The following NAV2 variants were observed in gnomAD, a reference collection of about 807,000 sequenced individuals.
NAV2 encodes helicase, APC down-regulated 1.
In NAV2, 54 loss-of-function variants were observed where a neutral mutation model predicts 223.2. The observed-to-expected ratio is 0.24, with a 90% CI of 0.19 to 0.30. NAV2 has a LOEUF of 0.30. Among genes scored for constraint, NAV2 ranks in the 10% least tolerant of loss-of-function variants. NAV2 has a pLI of 1.00. For synonymous variants in NAV2, 1,279 were observed against 1,239.3 expected (o/e 1.03, Z -0.67); for missense variants, 2,806 against 3,147.5 (o/e 0.89, Z 2.60).
intron 22 of NAV2, among the ~76,000 whole-genome samples, chr11:20,075,310 G>A (rs771693740): frequency 7.3e-5 from 11 of 151,376 alleles, no homozygotes; most frequent in South Asian, 2.1e-4. Flanking sequence ...TGCAAGCTCC[G>A]CCTCCCGGGT....
chr11:19,830,960 T>A (rs181727071), intron 1 of NAV2, among the ~76,000 whole-genome samples: 201 of 152,126 alleles, frequency 1.3e-3, no homozygotes, highest in Middle Eastern at 6.8e-3. Context: ...ATTTAAGGAT[T>A]GGATCCTTGG....
intron 1 of NAV2, among the ~76,000 whole-genome samples, chr11:19,639,405 A>G (rs1356820854): frequency 6.6e-6 from 1 of 152,220 alleles, no homozygotes; most frequent in Non-Finnish European, 1.5e-5. Flanking sequence ...CTCCACCACC[A>G]TCACCATAAC....
chr11:19,721,483 A>G (rs1196896165), intron 1 of NAV2, among the ~76,000 whole-genome samples: 1 of 152,232 alleles, frequency 6.6e-6, no homozygotes, highest in African/African-American at 2.4e-5. Flanking sequence ...ACTTGTTGGC[A>G]TGAGGAAGCA....
At chr11:19,909,904 A>G (rs1037629266) in intron 6 of NAV2, among the ~76,000 whole-genome samples, 6 of 152,156 alleles carry the variant, frequency 3.9e-5, no homozygotes, top group African/African-American at 1.4e-4. Flanking sequence ...TAAGGCATAT[A>G]TAATAACTTA....
At chr11:19,360,256 C>A (rs1370410123) in intron 1 of NAV2, among the ~76,000 whole-genome samples, 1 of 152,146 alleles carries the variant, frequency 6.6e-6, no homozygotes, top group Non-Finnish European at 1.5e-5. Flanking sequence ...ATTCCTCATT[C>A]CCCACCTTTG....
intron 1 of NAV2, chr11:19,714,269 A>G: frequency 1.7e-6 from 1 of 605,024 alleles, no homozygotes; most frequent in Non-Finnish European, 3.1e-6. Flanking sequence ...ATCGCTGGAA[A>G]TGTGAGGTCC....
rs1387093838 is a variant in NAV2, at chr11:19,860,018, T to C, written c.439-8907T>C. The stretch of plus-strand genomic sequence containing the variant: ...GGGCTGACCCCCCCTCCCTCCCGGA[T>C]GGGGCGGCTGGCCAGGCGGGGGGCT... On this transcript the variant is annotated intron_variant, in intron 3 of 37. Transcript: ENST00000349880. 1.4e-3 allele frequency among the ~76,000 whole-genome samples: 117 copies of C among 82,926 alleles called. 7 individuals carry two copies. In the South Asian group the frequency reaches 0.038, roughly 27 times the overall value. 54.4% of individuals were successfully genotyped at this position (82,926 alleles called of 152,430 possible).
intron 1 of NAV2, among the ~76,000 whole-genome samples, chr11:19,825,851 AATG>A (rs1267461795): frequency 1.3e-5 from 2 of 152,236 alleles, no homozygotes; most frequent in South Asian, 4.1e-4. Context: ...TAAGCAAACA[AATG>A]ATGCACTCCT....
At chr11:19,634,136 G>A (rs1317832584) in intron 1 of NAV2, among the ~76,000 whole-genome samples, 1 of 152,186 alleles carries the variant, frequency 6.6e-6, no homozygotes, top group African/African-American at 2.4e-5. Flanking sequence ...CGTGGAGCAG[G>A]TTTGCTGCAT....
At chr11:19,404,984 T>C (rs1354818568) in intron 1 of NAV2, among the ~76,000 whole-genome samples, 1 of 152,166 alleles carries the variant, frequency 6.6e-6, no homozygotes, top group Non-Finnish European at 1.5e-5. Context: ...GAGTTCCAGT[T>C]ATACGAGGCA....
intron 1 of NAV2, among the ~76,000 whole-genome samples, chr11:19,703,380 G>A (rs569871198): frequency 1.3e-5 from 2 of 152,308 alleles, no homozygotes; most frequent in African/African-American, 4.8e-5. Flanking sequence ...AGAGTCAGAG[G>A]GTAGGCATGA....
chr11:19,939,632 A>G (rs1224975534), intron 7 of NAV2, 29 bp from the exon 8 acceptor site: 19 of 1,587,310 alleles, frequency 1.2e-5, no homozygotes, highest in Non-Finnish European at 1.6e-5. Context: ...TCTCATGACA[A>G]GTGTGTCTGC....
intron 26 of NAV2, among the ~76,000 whole-genome samples, chr11:20,087,552 C>A (rs1464093484): frequency 2.0e-5 from 3 of 152,158 alleles, no homozygotes; most frequent in Non-Finnish European, 2.9e-5. Context: ...AACGTTTTCC[C>A]ACACTCGAGG....
intron 7 of NAV2, among the ~76,000 whole-genome samples, chr11:19,936,169 A>G (rs11025332): frequency 0.39 from 59,135 of 151,636 alleles, 14,128 homozygotes; most frequent in Non-Finnish European, 0.54. Flanking sequence ...GCGCCCAGCC[A>G]TGAACTGTTC....
At chr11:19,871,381 G>A (rs916025522) in intron 4 of NAV2, among the ~76,000 whole-genome samples, 7 of 152,134 alleles carry the variant, frequency 4.6e-5, no homozygotes, top group Non-Finnish European at 1.0e-4. Flanking sequence ...GCATGCCGGC[G>A]TGACTTTCTC....
chr11:19,375,055 A>G (rs1314396798), intron 1 of NAV2, among the ~76,000 whole-genome samples: 1 of 152,186 alleles, frequency 6.6e-6, no homozygotes, highest in Non-Finnish European at 1.5e-5. Flanking sequence ...CCTTCTCTCT[A>G]GGCACATTGG....
At position 20,044,965 on chromosome 11, in the gene NAV2, T is replaced by C. The variant is rs2057303252; in HGVS notation, c.3200-3T>C. On this transcript the variant is annotated splice_region_variant and splice_polypyrimidine_tract_variant and intron_variant, in intron 13 of 37. Coordinates refer to ENST00000349880, the MANE Select transcript of NAV2 (RefSeq NM_145117.5). ...AGGCTAATCTTGCTGATCTCTCTCT[T>C]AGGAAAAACAGACGACGCAAAGGTG... 1 of 1,600,868 alleles carries C rather than the reference T, an allele frequency of 6.2e-7. No individual in the cohort carries two copies. The highest frequency in any genetic ancestry group is 8.5e-7 in the Non-Finnish European group (1 of 1,174,612).
chr11:19,790,146 A>G (rs1449030366), intron 1 of NAV2, among the ~76,000 whole-genome samples: 2 of 152,040 alleles, frequency 1.3e-5, no homozygotes, highest in Non-Finnish European at 2.9e-5. Flanking sequence ...TGTCCCTTCC[A>G]TTAGACGTGC....
At chr11:19,982,616 G>A (rs1359345479) in intron 10 of NAV2, among the ~76,000 whole-genome samples, 1 of 152,078 alleles carries the variant, frequency 6.6e-6, no homozygotes, top group Admixed American at 6.6e-5. Flanking sequence ...GTGACCTTGG[G>A]GATCATTAAT....
Sources: gnomAD v4.1 joint callset for allele counts (sites outside exome capture counted in the v4.1 genomes callset) on GRCh38, gnomAD v4.1.1 for gene constraint, MANE v1.5 for transcripts, NCBI Gene and HGNC (gene_info 2026-07-23, HGNC 2026-07-21) for gene names.